Variants in PTPRN2 observed in about 807,000 individuals in gnomAD.
PTPRN2 encodes protein tyrosine phosphatase receptor type N2, also known as receptor-type tyrosine-protein phosphatase N2.
A neutral mutation model predicts 118.8 loss-of-function variants in PTPRN2; 74 were observed. That is an observed-to-expected ratio of 0.62 (90% CI 0.52 to 0.76). The LOEUF is 0.76. Ranked by LOEUF, PTPRN2 falls within the 30% of genes least tolerant of loss-of-function variation. The pLI, the probability that PTPRN2 is intolerant of heterozygous loss-of-function variation, is 0.00. For missense variants in PTPRN2, 1,481 were observed against 1,394.4 expected, an observed-to-expected ratio of 1.06 and a Z score of -0.99; for synonymous variants, 641 against 608.0, an observed-to-expected ratio of 1.05 and a Z score of -0.80.
rs544201508 is a variant in PTPRN2 at position 158,149,634 on chromosome 7, T to C, written c.911-11119A>G. The stretch of plus-strand genomic sequence containing the variant: ...CCTGGCCAACATGGTGGAAACCCCA[T>C]CTCTACTAAAAATACAAAAATGACC... On this transcript the variant is annotated intron_variant, in intron 6 of 22. Coordinates refer to ENST00000389418, the MANE Select transcript of PTPRN2 (RefSeq NM_002847.5). 1.6e-4 allele frequency among the ~76,000 whole-genome samples: 24 copies of C among 152,090 alleles called. No individual in the cohort carries two copies. In the East Asian group the frequency reaches 2.9e-3, roughly 18 times the overall value.
intron 11 of PTPRN2, among the ~76,000 whole-genome samples, chr7:158,044,664 C>T (rs1479695568): frequency 3.9e-5 from 6 of 152,106 alleles, no homozygotes; most frequent in African/African-American, 1.4e-4. Context: ...AAGGAGAACC[C>T]GTGCTGAAGA....
At position 158,511,495 on chromosome 7, in the gene PTPRN2, G is replaced by A. The variant is rs559992484; in HGVS notation, c.113-21710C>T. ...ACATCTTGTAGAACAAAGAACAAGG[G>A]TCCCAACACGAAAAAGGAGGCCATC... On this transcript the variant is annotated intron_variant, in intron 1 of 22. Transcript: ENST00000389418. 6.6e-5 allele frequency among the ~76,000 whole-genome samples: 10 copies of A among 152,278 alleles called. No individual in the cohort carries two copies. The East Asian group carries it at 1.9e-3, about 29-fold the overall frequency.
chr7:158,167,145 C>G lies in PTPRN2; in HGVS notation c.696G>C (p.Lys232Asn). 6.2e-7 allele frequency: 1 copy of G among 1,614,000 alleles called. No homozygotes were observed. Among genetic ancestry groups the G allele is most frequent in the Non-Finnish European group, 8.5e-7 (1 of 1,179,996 alleles). The change falls in exon 6 of 23, where the codon AAG (lysine) becomes AAC (asparagine). Residue 232 changes from lysine (K) to asparagine (N), a missense_variant. Transcript: ENST00000389418. Reference protein sequence around the residue: ...GQLQPDELSPKVDSGVDRHHL... With the variant: ...GQLQPDELSPNVDSGVDRHHL... ...GGTGTCTGTCCACACCACTGTCCAC[C>G]TTAGGGCTGAGCTCATCTGGCTGGA...
intron 3 of PTPRN2, among the ~76,000 whole-genome samples, chr7:158,248,297 T>A (rs372540880): frequency 8.4e-4 from 128 of 152,250 alleles, no homozygotes; most frequent in South Asian, 4.4e-3. Flanking sequence ...GCCGCTGAGC[T>A]GCCAGCTATG....
intron 4 of PTPRN2, among the ~76,000 whole-genome samples, chr7:158,201,760 G>A (rs114392747): frequency 2.6e-5 from 4 of 152,156 alleles, no homozygotes; most frequent in South Asian, 2.1e-4. Flanking sequence ...TAAACTCAAC[G>A]AGTTGTCAAC....
intron 11 of PTPRN2, among the ~76,000 whole-genome samples, chr7:157,908,370 T>A (rs1584996865): frequency 6.6e-6 from 1 of 151,938 alleles, no homozygotes; most frequent in African/African-American, 2.4e-5. Context: ...GAGAGGGAGG[T>A]TTGAAGAGCA....
chr7:157,730,959 C>T (rs932656329), intron 12 of PTPRN2, among the ~76,000 whole-genome samples: 4 of 152,176 alleles, frequency 2.6e-5, no homozygotes, highest in African/African-American at 7.2e-5. Flanking sequence ...CCAATGCCCC[C>T]TCTTTTGTGG....
intron 1 of PTPRN2, among the ~76,000 whole-genome samples, chr7:158,560,577 G>A (rs1827312283): frequency 6.6e-6 from 1 of 152,298 alleles, no homozygotes; most frequent in South Asian, 2.1e-4. Context: ...CCGCGCGCAG[G>A]ACTGTGCTGG....
rs1167737455 is a variant in PTPRN2, at chr7:157,977,540, G to C, written c.1724-78803C>G. ...AGGCCCCAGGTGGGATGACGTGAGT[G>C]TGTTCATGGAGTAGTGTACAAGGCC... On this transcript the variant is annotated intron_variant, in intron 11 of 22. Coordinates refer to ENST00000389418, the MANE Select transcript of PTPRN2 (RefSeq NM_002847.5). The surrounding 1 kb of genome is among the most constrained non-coding windows in gnomAD (Gnocchi z 4.6). Among the ~76,000 whole-genome samples the C allele has an allele frequency of 6.6e-6, 1 of 151,572 alleles. No individual in the cohort carries two copies. Among genetic ancestry groups the C allele is most frequent in the Non-Finnish European group, 1.5e-5 (1 of 67,836 alleles).
At chr7:158,404,379 C>T (rs1813189735) in intron 2 of PTPRN2, among the ~76,000 whole-genome samples, 1 of 152,260 alleles carries the variant, frequency 6.6e-6, no homozygotes, top group East Asian at 1.9e-4. Flanking sequence ...GAAGGTTCTC[C>T]AGTTCAGGCA....
chr7:157,880,158 T>C (rs1204992115), intron 12 of PTPRN2, among the ~76,000 whole-genome samples: 1 of 152,198 alleles, frequency 6.6e-6, no homozygotes, highest in Non-Finnish European at 1.5e-5. Flanking sequence ...AATTGAACAT[T>C]GTATATTAGC....
chr7:158,297,092 C>T (rs1174982469), intron 3 of PTPRN2, among the ~76,000 whole-genome samples: 3 of 152,320 alleles, frequency 2.0e-5, no homozygotes, highest in South Asian at 2.1e-4. Flanking sequence ...GAAGCGGTAA[C>T]GGTGAAAATC....
chr7:157,776,917 C>G (rs886931394), intron 12 of PTPRN2, among the ~76,000 whole-genome samples: 6 of 31,328 alleles, frequency 1.9e-4, no homozygotes, highest in Non-Finnish European at 3.5e-4. Flanking sequence ...CCCTCCTCCT[C>G]GCTCTTCTCC....
rs559572944 is a variant in PTPRN2, at chr7:157,935,488, C to T, written c.1724-36751G>A. On this transcript the variant is annotated intron_variant, in intron 11 of 22. Transcript: ENST00000389418. ...AAAATCTACACGTGGTTCTTCTGCA[C>T]GGCCTCCATCTTTCTGCTGAGGTTC... is the stretch of plus-strand genomic sequence containing the variant. 5.9e-5 allele frequency among the ~76,000 whole-genome samples: 9 copies of T among 152,322 alleles called. No individual in the cohort carries two copies. In the East Asian group the frequency reaches 1.2e-3, roughly 20 times the overall value.
chr7:157,748,457 TC>T (rs1196494861), intron 12 of PTPRN2, among the ~76,000 whole-genome samples: 8 of 145,820 alleles, frequency 5.5e-5, no homozygotes, highest in South Asian at 2.2e-4. Context: ...CTGTGGGGTG[TC>T]TGGGTGATTC....
intron 2 of PTPRN2, among the ~76,000 whole-genome samples, chr7:158,390,546 A>AG (rs1811845767): frequency 6.6e-6 from 1 of 152,100 alleles, no homozygotes; most frequent in Admixed American, 6.5e-5. Context: ...ATCGTGCTGG[A>AG]GGGCCTCGGC....
Position 157,547,070 on chromosome 7 carries a change from C to T in PTPRN2, c.2976+1876G>A, listed in dbSNP as rs551122141. 5.9e-5 allele frequency among the ~76,000 whole-genome samples: 9 copies of T among 152,206 alleles called. No individual in the cohort carries two copies. The South Asian group carries it at 1.5e-3, about 25-fold the overall frequency. On this transcript the variant is annotated intron_variant, in intron 22 of 22. Transcript: ENST00000389418. The stretch of plus-strand genomic sequence containing the variant: ...GGCAGGTGTTCTGGGTGAACTCACC[C>T]GTCTGGAGGGAGAGGCTGCCTGAGA...
At chr7:158,083,363 G>A (rs560593414) in intron 10 of PTPRN2, among the ~76,000 whole-genome samples, 4 of 152,152 alleles carry the variant, frequency 2.6e-5, no homozygotes, top group Admixed American at 6.5e-5. Context: ...CCGAAACAAC[G>A]CTGAGGACAG....
intron 9 of PTPRN2, among the ~76,000 whole-genome samples, chr7:158,131,367 AC>A (rs1429779525): frequency 2.0e-5 from 2 of 101,086 alleles, no homozygotes; most frequent in African/African-American, 9.0e-5. Flanking sequence ...ATACACATCT[AC>A]CCGACACACA....
Sources: allele counts gnomAD v4.1 joint callset (sites outside exome capture counted in the v4.1 genomes callset), GRCh38; gene constraint gnomAD v4.1.1; non-coding constraint Gnocchi (gnomAD v3.1); transcripts MANE v1.5; gene names NCBI Gene and HGNC (gene_info 2026-07-23, HGNC 2026-07-21).